The following TLR5 variants were observed in gnomAD, a reference collection of about 807,000 sequenced individuals.
TLR5 encodes toll like receptor 5.
For synonymous variants in TLR5, 373 were observed against 384.4 expected (o/e 0.97, Z 0.35); for missense variants, 944 against 999.8 (o/e 0.94, Z 0.75).
intron 5 of TLR5, among the ~76,000 whole-genome samples, chr1:223,113,644 A>T (rs1478307562): frequency 6.6e-6 from 1 of 152,112 alleles, no homozygotes; most frequent in African/African-American, 2.4e-5. Flanking sequence ...AAAAATATAG[A>T]GATGGGGGTC....
chr1:223,137,950 ATT>A (rs3044335), intron 2 of TLR5, among the ~76,000 whole-genome samples: 30 of 84,562 alleles, frequency 3.5e-4, no homozygotes, highest in African/African-American at 8.5e-4. Flanking sequence ...GGCTTTTTAA[ATT>A]TTTTTTTTTT....
intron 5 of TLR5, among the ~76,000 whole-genome samples, chr1:223,124,544 C>T (rs1460232175): frequency 6.6e-6 from 1 of 152,166 alleles, no homozygotes; most frequent in East Asian, 1.9e-4. Flanking sequence ...TAATACAGCA[C>T]TTGACTTTGA....
intron 5 of TLR5, among the ~76,000 whole-genome samples, chr1:223,130,259 T>C (rs914279946): frequency 6.6e-6 from 1 of 152,202 alleles, no homozygotes; most frequent in Admixed American, 6.5e-5. Context: ...TGTCCACAGT[T>C]GTTGTCAAGC....
chr1:223,112,056 T>C lies in TLR5; in HGVS notation c.976A>G (p.Lys326Glu), dbSNP rs763035030. 4 of 1,614,212 alleles carry C rather than the reference T, an allele frequency of 2.5e-6. No individual in the cohort carries two copies. In the Admixed American group the frequency reaches 5.0e-5, roughly 20 times the overall value. ...VLNLAYNKINKIADEAFYGLD... is the reference protein window; with the variant it reads ...VLNLAYNKINEIADEAFYGLD... ...CCGTAAAATGCTTCATCTGCAATCT[T>C]ATTTATCTTGTTGTAGGCAAGGTTC... The change falls in exon 6 of 6, where the codon AAG becomes GAG. Residue 326 changes from lysine (K) to glutamate (E), a missense_variant. Lys to Glu is a moderately conservative substitution (Grantham distance 56). Coordinates refer to ENST00000642603, the MANE Select transcript of TLR5 (RefSeq NM_003268.6).
chr1:223,142,842 G>T (rs1439652957), intron 1 of TLR5, among the ~76,000 whole-genome samples: 1 of 152,138 alleles, frequency 6.6e-6, no homozygotes, highest in East Asian at 1.9e-4. Flanking sequence ...ACAGGGTGGG[G>T]GCGAGAGTGA....
intron 5 of TLR5, among the ~76,000 whole-genome samples, chr1:223,117,541 CAGAA>C (rs1656729967): frequency 1.2e-5 from 1 of 83,138 alleles, no homozygotes; most frequent in Non-Finnish European, 2.3e-5. Context: ...ATACAGCAAA[CAGAA>C]AGAAGCATGG....
chr1:223,140,384 TA>T (rs1657789808), intron 2 of TLR5, among the ~76,000 whole-genome samples: 1 of 151,950 alleles, frequency 6.6e-6, no homozygotes, highest in Non-Finnish European at 1.5e-5. Flanking sequence ...CCATCTCTGC[TA>T]AAAATACAAA....
chr1:223,115,806 G>A (rs1656603687), intron 5 of TLR5, among the ~76,000 whole-genome samples: 1 of 152,132 alleles, frequency 6.6e-6, no homozygotes, highest in Admixed American at 6.5e-5. Flanking sequence ...GATTAGAGCA[G>A]GTGTCTAACA....
rs1039708755 is a variant in TLR5, at chr1:223,137,258, A to G, written c.-433T>C. The G allele has an allele frequency of 6.6e-6, 1 of 152,218 alleles. No individual in the cohort carries two copies. The highest frequency in any genetic ancestry group is 2.4e-5 in the African/African-American group (1 of 41,444). The allele number at this position is 152,218 out of a possible 1,614,324, so 9.4% of individuals were successfully genotyped here. A position where few individuals can be genotyped will look rare whatever the true frequency, so the allele number is the denominator to read the frequency against. On this transcript the variant is annotated 5_prime_UTR_variant, in exon 3 of 6. It removes an upstream start codon present in the reference 5' UTR. Coordinates refer to ENST00000642603, the MANE Select transcript of TLR5 (RefSeq NM_003268.6). ...TTGTAGTAGTGTCAGGAACATGAAC[A>G]TCAATCTATGGTAAAATACAAACTT...
chr1:223,138,438 G>T (rs1342080858), intron 2 of TLR5, among the ~76,000 whole-genome samples: 11 of 151,624 alleles, frequency 7.3e-5, no homozygotes, highest in Admixed American at 7.2e-4. Context: ...CACCCCCATG[G>T]CTTCTAGGTT....
At chr1:223,129,881 T>G (rs901418493) in intron 5 of TLR5, among the ~76,000 whole-genome samples, 4 of 152,210 alleles carry the variant, frequency 2.6e-5, no homozygotes, top group Admixed American at 2.6e-4. Flanking sequence ...GAGGTTTCTG[T>G]GCACTGCAGA....
rs375747719 is a variant in TLR5, at chr1:223,111,210, T to A, written c.1822A>T (p.Ile608Leu). 2 of 1,614,066 alleles carry A rather than the reference T, an allele frequency of 1.2e-6. No homozygotes were observed. The highest frequency in any genetic ancestry group is 1.7e-6 in the Non-Finnish European group (2 of 1,180,022). The stretch of plus-strand genomic sequence containing the variant: ...AACGAGTCAGGGTACACACAATATA[T>A]GTCTGCAGGAGGCCCAGCTATAGTG... ...NVTIAGPPAD[I>L]YCVYPDSFSG... is the part of the protein sequence containing the mutation. The change falls in exon 6 of 6, where the codon ATA becomes TTA. Residue 608 changes from isoleucine (I) to leucine (L), a missense_variant. By Grantham distance (5) the Ile-to-Leu change is conservative. Coordinates refer to ENST00000642603, the MANE Select transcript of TLR5 (RefSeq NM_003268.6).
rs141216515 is a variant in TLR5, at chr1:223,112,021, G to A, written c.1011C>T (p.Asn337=). 15 of 1,614,026 alleles carry A rather than the reference G, an allele frequency of 9.3e-6. 1 individual carries two copies. In the Admixed American group the frequency reaches 2.0e-4, roughly 22 times the overall value. The change falls in exon 6 of 6, where the codon AAC becomes AAT. Residue 337 remains asparagine (N), a synonymous_variant. Coordinates refer to ENST00000642603, the MANE Select transcript of TLR5 (RefSeq NM_003268.6). ...TATATGACAAATTGAGAACTTGGAG[G>A]TTGTCAAGTCCGTAAAATGCTTCAT... The part of the protein sequence containing the change: ...IADEAFYGLD[N]LQVLNLSYNL...
rs536561726 is a variant in TLR5, at chr1:223,134,697, G to C, written c.-185C>G. 5 of 152,414 alleles carry C rather than the reference G, an allele frequency of 3.3e-5. No homozygotes were observed. Among genetic ancestry groups the C allele is most frequent in the Middle Eastern group, 3.4e-3 (1 of 294 alleles). 9.4% of individuals were successfully genotyped at this position (152,414 alleles called of 1,614,324 possible). On this transcript the variant is annotated 5_prime_UTR_variant, in exon 4 of 6. Transcript: ENST00000642603. ...ACATCCCTACCTGTCTCCAGGTTCG[G>C]ACAGCGCCAACATTCTCAATTAGAA...
In TLR5 at chr1:223,111,232, A is replaced by G. The variant is rs1365544297; in HGVS notation, c.1800T>C (p.Thr600=). The change falls in exon 6 of 6, where the codon ACT becomes ACC. Residue 600 remains threonine, a synonymous_variant. Coordinates refer to ENST00000642603, the MANE Select transcript of TLR5 (RefSeq NM_003268.6). ...ATATGTCTGCAGGAGGCCCAGCTATAGTGACATTGGTGTGATTAAGCCAAT... is the reference window on the plus strand; with the variant it reads ...ATATGTCTGCAGGAGGCCCAGCTATGGTGACATTGGTGTGATTAAGCCAAT... The part of the protein sequence containing the change: ...FINWLNHTNV[T]IAGPPADIYC... 5 of 1,614,206 alleles carry G rather than the reference A, an allele frequency of 3.1e-6. No individual in the cohort carries two copies. The highest frequency in any genetic ancestry group is 4.2e-6 in the Non-Finnish European group (5 of 1,180,032).
Position 223,112,792 on chromosome 1 carries a change from C to T in TLR5, c.240G>A (p.Gln80=). The T allele has an allele frequency of 6.2e-7, 1 of 1,612,910 alleles. No homozygotes were observed. The highest frequency in any genetic ancestry group is 8.5e-7 in the Non-Finnish European group (1 of 1,179,300). ...EQLQLLELGS[Q]YTPLTIDKEA... is the part of the protein sequence containing the mutation. The stretch of plus-strand genomic sequence containing the variant: ...CCTTGTCAATAGTCAAGGGGGTATA[C>T]TGGCTCCCGAGCTCCAGCAGCTGCA... Residue 80 remains glutamine, a synonymous_variant, in exon 6 of 6, where the codon CAG becomes CAA. Transcript: ENST00000642603.
At chr1:223,116,313 G>A (rs143692976) in intron 5 of TLR5, among the ~76,000 whole-genome samples, 1 of 152,108 alleles carries the variant, frequency 6.6e-6, no homozygotes, top group Non-Finnish European at 1.5e-5. Flanking sequence ...CTTCCTTCTG[G>A]GGGGCTCATG....
chr1:223,127,625 G>A (rs1012191962), intron 5 of TLR5: 5 of 152,180 alleles, frequency 3.3e-5, no homozygotes, highest in East Asian at 1.9e-4. Context: ...TAAAACAGAC[G>A]GGGAATTGCA....
At chr1:223,133,412 G>T (rs752737027) in intron 4 of TLR5, among the ~76,000 whole-genome samples, 2 of 152,164 alleles carry the variant, frequency 1.3e-5, no homozygotes, top group African/African-American at 2.4e-5. Context: ...TCCTTGAAAC[G>T]GTGATTCTGA....
Sources: allele counts gnomAD v4.1 joint callset (sites outside exome capture counted in the v4.1 genomes callset), GRCh38; gene constraint gnomAD v4.1.1; transcripts MANE v1.5; gene names NCBI Gene and HGNC (gene_info 2026-07-23, HGNC 2026-07-21).